PCDHA6: variants seen among roughly 807,000 people sequenced by gnomAD.
PCDHA6 encodes the protein protocadherin alpha-6.
PCDHA6 carries 55 observed loss-of-function variants against 60.3 expected under a neutral mutation model. The ratio of observed to expected loss-of-function variants is 0.91; its 90% CI spans 0.73 to 1.14. PCDHA6 has a LOEUF of 1.14. Among genes scored for constraint, PCDHA6 ranks in the 50% most tolerant of loss-of-function variants. The pLI is 0.00. For missense variants in PCDHA6, 1,327 were observed against 1,256.5 expected, an observed-to-expected ratio of 1.06 and a Z score of -0.85; for synonymous variants, 652 against 557.9, an observed-to-expected ratio of 1.17 and a Z score of -2.38.
chr5:140,988,847 C>A (rs2097315589), intron 3 of PCDHA6: 1 of 152,186 alleles, frequency 6.6e-6, no homozygotes, highest in African/African-American at 2.4e-5. Context: ...CTCCTGAAAC[C>A]TATCCAGTCT....
At position 140,933,888 on chromosome 5, in the gene PCDHA6, T is replaced by C. The variant is rs148048721; in HGVS notation, c.2395-45061T>C. On this transcript the variant is annotated intron_variant, in intron 1 of 3. Transcript: ENST00000529310. ...ATATATGTTAGTTTTATCTGTACTTTTGAATATTTTGGCATAAAGTTGTTT... is the reference window on the plus strand; with the variant it reads ...ATATATGTTAGTTTTATCTGTACTTCTGAATATTTTGGCATAAAGTTGTTT... Among the ~76,000 whole-genome samples the C allele has an allele frequency of 7.7e-3, 1,170 of 152,222 alleles. 4 individuals are homozygous for C. Among genetic ancestry groups the C allele is most frequent in the Admixed American group, 0.013 (200 of 15,288 alleles).
At chr5:140,868,907 A>T in intron 1 of PCDHA6, 1 of 869,128 alleles carries the variant, frequency 1.2e-6, no homozygotes, top group Non-Finnish European at 1.7e-6. Flanking sequence ...GTCGCTCTTT[A>T]CTTGGTGGAA....
At chr5:140,955,438 A>C (rs975663366) in intron 1 of PCDHA6, among the ~76,000 whole-genome samples, 2 of 151,994 alleles carry the variant, frequency 1.3e-5, no homozygotes, top group African/African-American at 4.8e-5. Context: ...ATTAGGTCTG[A>C]TGGTTTTATA....
chr5:140,848,923 C>A (rs2150425002), intron 1 of PCDHA6: 1 of 1,607,740 alleles, frequency 6.2e-7, no homozygotes, highest in Non-Finnish European at 8.5e-7. Flanking sequence ...CTGTTCATCG[C>A]GGAATCCAGG....
At chr5:140,967,059 C>T in intron 1 of PCDHA6, 1 of 1,612,750 alleles carries the variant, frequency 6.2e-7, no homozygotes, top group Non-Finnish European at 8.5e-7. Flanking sequence ...ACGAGTGGAG[C>T]GCTCTTCGTC....
At chr5:140,868,341 T>C (rs1554161894) in intron 1 of PCDHA6, 1 of 152,158 alleles carries the variant, frequency 6.6e-6, no homozygotes, top group African/African-American at 2.4e-5. Flanking sequence ...AAGTCACTTA[T>C]AATCAGAAAG....
chr5:140,917,041 A>G (rs891465527), intron 1 of PCDHA6, among the ~76,000 whole-genome samples: 11 of 152,096 alleles, frequency 7.2e-5, no homozygotes, highest in Non-Finnish European at 1.6e-4. Flanking sequence ...AGTCCAGCAC[A>G]GTGTTGTTCC....
intron 3 of PCDHA6, among the ~76,000 whole-genome samples, chr5:140,992,004 G>A (rs1165725360): frequency 2.0e-5 from 3 of 147,598 alleles, no homozygotes; most frequent in Non-Finnish European, 3.0e-5. Context: ...TTCATGTTCA[G>A]GCAGAGGTGG....
intron 1 of PCDHA6, chr5:140,968,785 T>G: frequency 6.2e-7 from 1 of 1,614,226 alleles, no homozygotes; most frequent in Non-Finnish European, 8.5e-7. Flanking sequence ...TATCAGCCTC[T>G]GTGGCCATTA....
At chr5:140,884,607 T>C (rs1554181780) in intron 1 of PCDHA6, 1 of 1,614,044 alleles carries the variant, frequency 6.2e-7, no homozygotes, top group Non-Finnish European at 8.5e-7. Flanking sequence ...CCTCCTTGTC[T>C]GGGTTCTGCA....
chr5:140,971,203 T>A (rs1586466173), intron 1 of PCDHA6, among the ~76,000 whole-genome samples: 2 of 152,308 alleles, frequency 1.3e-5, no homozygotes, highest in Middle Eastern at 6.8e-3. Context: ...GGAAAGACAC[T>A]GTTACCCTCC....
intron 1 of PCDHA6, chr5:140,850,972 T>C (rs2150504573): frequency 6.8e-7 from 1 of 1,465,332 alleles, no homozygotes; most frequent in African/African-American, 1.4e-5. Flanking sequence ...GCCGTTCAAA[T>C]AGTTTTATTC....
Position 140,842,518 on chromosome 5 carries a change from C to G in PCDHA6, c.2394+12033C>G, listed in dbSNP as rs2150337921. 3.1e-6 allele frequency: 5 copies of G among 1,613,574 alleles called. 1 individual carries two copies. The South Asian group carries it at 5.5e-5, about 18-fold the overall frequency. ...CCCATGTCCCCTTCAAGCTGGTGTC[C>G]ACCTTCAAGAATTACTACTCGTTGG... On this transcript the variant is annotated intron_variant, in intron 1 of 3. Coordinates refer to ENST00000529310, the MANE Select transcript of PCDHA6 (RefSeq NM_018909.4).
chr5:140,851,389 TCTATTATTTTAATAA>T, intron 1 of PCDHA6: 2 of 974,212 alleles, frequency 2.1e-6, no homozygotes, highest in Non-Finnish European at 2.5e-6. Flanking sequence ...ACCTTCAGTA[TCTATTATTTTAATAA>T]GAAAGAAACT....
At chr5:140,876,154 A>T (rs781957040) in intron 1 of PCDHA6, 4 of 1,613,972 alleles carry the variant, frequency 2.5e-6, no homozygotes, top group Non-Finnish European at 2.5e-6. Context: ...GTCTGTCCAG[A>T]TTCAAATAAC....
chr5:140,860,245 T>C (rs2046291646), intron 1 of PCDHA6: 1 of 151,496 alleles, frequency 6.6e-6, no homozygotes, highest in Non-Finnish European at 1.5e-5. Flanking sequence ...TGGTGGTACA[T>C]GCCTTTAGTC....
At chr5:140,985,670 G>A (rs1554247237) in intron 3 of PCDHA6, among the ~76,000 whole-genome samples, 1 of 152,024 alleles carries the variant, frequency 6.6e-6, no homozygotes, top group East Asian at 1.9e-4. Flanking sequence ...AAAGGAAGTG[G>A]GGCCTGCCTT....
chr5:140,897,037 AC>A (rs1300892291), intron 1 of PCDHA6, among the ~76,000 whole-genome samples: 1 of 152,074 alleles, frequency 6.6e-6, no homozygotes, highest in Non-Finnish European at 1.5e-5. Flanking sequence ...GACCATAGTC[AC>A]CCTATTCTGC....
chr5:140,884,839 G>T, intron 1 of PCDHA6: 1 of 893,290 alleles, frequency 1.1e-6, no homozygotes, highest in Non-Finnish European at 1.6e-6. Context: ...TTATCCTTCA[G>T]AGTGAAATCT....
Sources: allele counts gnomAD v4.1 joint callset (sites outside exome capture counted in the v4.1 genomes callset), GRCh38; gene constraint gnomAD v4.1.1; transcripts MANE v1.5; gene names NCBI Gene and HGNC (gene_info 2026-07-23, HGNC 2026-07-21).